The following CA6 variants were observed in gnomAD, a reference collection of about 807,000 sequenced individuals.
CA6 encodes the protein carbonic anhydrase 6.
Under a neutral mutation model 35.9 loss-of-function variants are expected in CA6, and 28 were observed. The observed-to-expected ratio is 0.78, with a 90% confidence interval of 0.58 to 1.07. The LOEUF is 1.07. CA6 is among the 50% of genes least tolerant of loss of function. The pLI is 0.00. For synonymous variants in CA6, 148 were observed against 152.6 expected (o/e 0.97, Z 0.22); for missense variants, 377 against 382.0 (o/e 0.99, Z 0.11).
intron 2 of CA6, among the ~76,000 whole-genome samples, chr1:8,954,615 A>G (rs1043137023): frequency 6.6e-6 from 1 of 152,224 alleles, no homozygotes; most frequent in Non-Finnish European, 1.5e-5. Flanking sequence ...AATAATTGAC[A>G]TTGAGATAGT....
chr1:8,947,983 T>C (rs1045825940), intron 1 of CA6, among the ~76,000 whole-genome samples: 29 of 152,118 alleles, frequency 1.9e-4, no homozygotes, highest in African/African-American at 6.8e-4. Flanking sequence ...TAGCTGGGAT[T>C]AACGGCATGT....
intron 2 of CA6, among the ~76,000 whole-genome samples, chr1:8,949,938 G>A (rs1410408061): frequency 2.6e-5 from 4 of 152,122 alleles, no homozygotes; most frequent in Non-Finnish European, 4.4e-5. Flanking sequence ...AAGCAGGGCC[G>A]TGGGGATGCC....
At chr1:8,956,735 C>T (rs1032209535) in intron 2 of CA6, among the ~76,000 whole-genome samples, 5 of 152,214 alleles carry the variant, frequency 3.3e-5, no homozygotes, top group Admixed American at 6.5e-5. Context: ...TCGGCAAATT[C>T]CAAACTTGGC....
intron 4 of CA6, 77 bp from the exon 5 acceptor site, chr1:8,962,510 G>C: frequency 1.6e-6 from 2 of 1,212,956 alleles, no homozygotes; most frequent in South Asian, 2.4e-5. Context: ...CCGCTAGAAA[G>C]CTGAGTGGCT....
chr1:8,965,351 C>T (rs190459769), intron 5 of CA6, among the ~76,000 whole-genome samples: 16 of 152,146 alleles, frequency 1.1e-4, no homozygotes, highest in African/African-American at 3.9e-4. Flanking sequence ...CGCTCCATTG[C>T]CGGAACTTTT....
At chr1:8,973,756 CTTT>C (rs1640180859) in intron 7 of CA6, among the ~76,000 whole-genome samples, 1 of 21,868 alleles carries the variant, frequency 4.6e-5, no homozygotes, top group Non-Finnish European at 7.2e-5. Context: ...TTCTTTCTTT[CTTT>C]CTTTCTTTCT....
chr1:8,961,133 A>G (rs903575178), intron 4 of CA6, among the ~76,000 whole-genome samples: 3 of 149,940 alleles, frequency 2.0e-5, no homozygotes, highest in African/African-American at 7.6e-5. Flanking sequence ...GTGAAACAAC[A>G]CATTCCCAGA....
intron 2 of CA6, among the ~76,000 whole-genome samples, chr1:8,954,701 G>A (rs1480438184): frequency 1.3e-5 from 2 of 151,982 alleles, no homozygotes; most frequent in Non-Finnish European, 2.9e-5. Context: ...CATTAGTTTT[G>A]TGATTTTCCT....
intron 2 of CA6, among the ~76,000 whole-genome samples, chr1:8,951,170 C>A (rs1409339414): frequency 2.7e-5 from 4 of 150,450 alleles, no homozygotes; most frequent in Non-Finnish European, 5.9e-5. Context: ...GAGCCAAGAT[C>A]GTGCCATTGC....
intron 3 of CA6, among the ~76,000 whole-genome samples, chr1:8,958,578 C>T (rs1639752086): frequency 2.0e-5 from 3 of 152,214 alleles, no homozygotes; most frequent in African/African-American, 7.2e-5. Flanking sequence ...CCCTGCAAAG[C>T]CCCCAGACAC....
At position 8,949,224 on chromosome 1, in the gene CA6, A is replaced by G. The variant is rs74050960; in HGVS notation, c.80-39A>G. ...GGTGAGGTTCCTCCAGAGTGGGCGC[A>G]GCCAGGCAGCCCCTTGAACTGTGTC... is the stretch of plus-strand genomic sequence containing the variant. On this transcript the variant is annotated intron_variant, in intron 1 of 7. Coordinates refer to ENST00000377443, the MANE Select transcript of CA6 (RefSeq NM_001215.4). 11,230 of 1,501,058 alleles carry G rather than the reference A, an allele frequency of 7.5e-3. 779 individuals carry two copies. The African/African-American group carries it at 0.14, about 19-fold the overall frequency. 93.0% of individuals were successfully genotyped at this position (1,501,058 alleles called of 1,614,324 possible).
chr1:8,954,380 G>A (rs1317603939), intron 2 of CA6, among the ~76,000 whole-genome samples: 2 of 152,174 alleles, frequency 1.3e-5, no homozygotes, highest in Non-Finnish European at 2.9e-5. Flanking sequence ...GGCCAGGCTG[G>A]TCTTGAACTC....
rs1225839348 is a variant in CA6, at chr1:8,963,829, C to G, written c.571+1173C>G. ...ATTTTGGGATTATAGGCATGAGCCA[C>G]CACACCTGGCCAACTGGTATTATTT... On this transcript the variant is annotated intron_variant, in intron 5 of 7. Coordinates refer to ENST00000377443, the MANE Select transcript of CA6 (RefSeq NM_001215.4). This position sits in a 1 kb window ranked among gnomAD's most constrained non-coding sequence, Gnocchi z 4.1. 6.6e-6 allele frequency among the ~76,000 whole-genome samples: 1 copy of G among 152,208 alleles called. No individual in the cohort carries two copies. Among genetic ancestry groups the G allele is most frequent in the Non-Finnish European group, 1.5e-5 (1 of 68,038 alleles).
chr1:8,961,720 T>G (rs1418709726), intron 4 of CA6, among the ~76,000 whole-genome samples: 2 of 152,208 alleles, frequency 1.3e-5, no homozygotes, highest in Non-Finnish European at 2.9e-5. Flanking sequence ...TCAACACCAC[T>G]TGACTGAAAA....
At chr1:8,951,285 G>A in intron 2 of CA6, 1 of 579,318 alleles carries the variant, frequency 1.7e-6, no homozygotes, top group Non-Finnish European at 3.1e-6. Flanking sequence ...GTAGCAAATT[G>A]GAGAATGAAG....
intron 7 of CA6, among the ~76,000 whole-genome samples, chr1:8,972,608 G>A (rs1399684133): frequency 6.6e-6 from 1 of 152,064 alleles, no homozygotes; most frequent in African/African-American, 2.4e-5. Flanking sequence ...GCATGAACCC[G>A]GGAGGCGGAG....
At chr1:8,957,490 G>A (rs142081444) in intron 3 of CA6, among the ~76,000 whole-genome samples, 7 of 152,158 alleles carry the variant, frequency 4.6e-5, no homozygotes, top group Admixed American at 6.5e-5. Flanking sequence ...ACAGGCACCC[G>A]CCACCATGCC....
chr1:8,948,231 C>T (rs1399710747), intron 1 of CA6, among the ~76,000 whole-genome samples: 1 of 152,122 alleles, frequency 6.6e-6, no homozygotes, highest in African/African-American at 2.4e-5. Flanking sequence ...CTCCATGTCA[C>T]ATGGCTGACT....
rs1639514325 is a variant in CA6 at position 8,950,962 on chromosome 1, T to TC, written c.259+1523dup. ...CTGGTGAGGTGGTTCATGCCTGTAA[T>TC]CCCAGCACTTTGGGAGCCCGAGGCA... On this transcript the variant is annotated intron_variant, in intron 2 of 7. Coordinates refer to ENST00000377443, the MANE Select transcript of CA6 (RefSeq NM_001215.4). 2.0e-5 allele frequency among the ~76,000 whole-genome samples: 3 copies of TC among 152,172 alleles called. No individual in the cohort carries two copies. The South Asian group carries it at 6.2e-4, about 32-fold the overall frequency.
Sources: allele counts gnomAD v4.1 joint callset (sites outside exome capture counted in the v4.1 genomes callset), GRCh38; gene constraint gnomAD v4.1.1; non-coding constraint Gnocchi (gnomAD v3.1); transcripts MANE v1.5; gene names NCBI Gene and HGNC (gene_info 2026-07-23, HGNC 2026-07-21).